KCNAB1: variants seen among roughly 807,000 people sequenced by gnomAD.
KCNAB1 encodes potassium voltage-gated channel subfamily A regulatory beta subunit 1.
Under a neutral mutation model 64.6 loss-of-function variants are expected in KCNAB1, and 35 were observed. The observed-to-expected ratio is 0.54, with a 90% CI of 0.41 to 0.72. The LOEUF (loss-of-function observed/expected upper bound fraction) is 0.72. Ranked by LOEUF, KCNAB1 falls within the 30% of genes least tolerant of loss-of-function variation. The pLI, the probability that KCNAB1 is intolerant of heterozygous loss-of-function variation, is 0.00. For synonymous variants in KCNAB1, 177 were observed against 183.8 expected (o/e 0.96, Z 0.30); for missense variants, 401 against 512.9 (o/e 0.78, Z 2.11).
rs554669903 is a variant in KCNAB1 at position 156,143,048 on chromosome 3, C to A, written c.275+22162C>A. 2.2e-6 allele frequency: 3 copies of A among 1,387,448 alleles called. No individual in the cohort carries two copies. The East Asian group carries it at 7.9e-5, about 36-fold the overall frequency. 85.9% of individuals were successfully genotyped at this position (1,387,448 alleles called of 1,614,324 possible). ...CGCCTACAAAAATGATAAGAGAGAT[C>A]TAAAGAAAACAAGCTAAACCTTTTG... On this transcript the variant is annotated intron_variant, in intron 1 of 13. Coordinates refer to ENST00000490337, the MANE Select transcript of KCNAB1 (RefSeq NM_172160.3).
At chr3:156,195,745 C>G (rs375915667) in intron 1 of KCNAB1, among the ~76,000 whole-genome samples, 1 of 152,124 alleles carries the variant, frequency 6.6e-6, no homozygotes, top group South Asian at 2.1e-4. Flanking sequence ...ATTGCCTGTT[C>G]ACTCTGATGA....
At chr3:156,527,623 T>A (rs1718411671) in intron 12 of KCNAB1, among the ~76,000 whole-genome samples, 1 of 152,238 alleles carries the variant, frequency 6.6e-6, no homozygotes, top group Admixed American at 6.5e-5. Flanking sequence ...CTTTACAGGA[T>A]CTGAGTTTAA....
At chr3:156,299,492 A>T (rs1721015320) in intron 1 of KCNAB1, among the ~76,000 whole-genome samples, 1 of 151,586 alleles carries the variant, frequency 6.6e-6, no homozygotes, top group African/African-American at 2.4e-5. Flanking sequence ...GAAGAGATCT[A>T]CAAAACCATA....
At chr3:156,123,373 C>T (rs1204401016) in intron 1 of KCNAB1, among the ~76,000 whole-genome samples, 3 of 152,184 alleles carry the variant, frequency 2.0e-5, no homozygotes, top group Non-Finnish European at 4.4e-5. Context: ...AAATATTTTA[C>T]ATCAGGTTAA....
At chr3:156,338,703 G>A (rs895113546) in intron 1 of KCNAB1, among the ~76,000 whole-genome samples, 7 of 152,166 alleles carry the variant, frequency 4.6e-5, no homozygotes, top group Admixed American at 1.3e-4. Flanking sequence ...GACCCATTGG[G>A]TCTCTATCCC....
intron 1 of KCNAB1, chr3:156,143,146 G>T: frequency 6.4e-7 from 1 of 1,555,876 alleles, no homozygotes; most frequent in East Asian, 2.3e-5. Flanking sequence ...TAAGCACCGT[G>T]CAATTAGCTT....
chr3:156,185,294 A>C (rs1713113995), intron 1 of KCNAB1, among the ~76,000 whole-genome samples: 1 of 152,100 alleles, frequency 6.6e-6, no homozygotes, highest in African/African-American at 2.4e-5. Context: ...TTCTACTAGC[A>C]GGCCCAAGCC....
chr3:156,531,367 G>C, intron 12 of KCNAB1, 42 bp from the exon 13 acceptor site: 1 of 1,400,636 alleles, frequency 7.1e-7, no homozygotes, highest in Non-Finnish European at 1.0e-6. Context: ...ATCAACGATT[G>C]GAAGTGCTTT....
chr3:156,504,752 T>TTG (rs1716711124), intron 8 of KCNAB1, among the ~76,000 whole-genome samples: 1 of 60,372 alleles, frequency 1.7e-5, no homozygotes, highest in South Asian at 5.4e-4. Context: ...GTTTTTTTTG[T>TTG]TTTTTTTTTT....
chr3:156,159,579 G>A (rs1339902239), intron 1 of KCNAB1, among the ~76,000 whole-genome samples: 1 of 152,096 alleles, frequency 6.6e-6, no homozygotes, highest in African/African-American at 2.4e-5. Flanking sequence ...ATTTCATTTT[G>A]CATTTGATTA....
At chr3:156,475,557 G>T (rs1218998396) in intron 8 of KCNAB1, among the ~76,000 whole-genome samples, 1 of 152,200 alleles carries the variant, frequency 6.6e-6, no homozygotes, top group Non-Finnish European at 1.5e-5. Flanking sequence ...TACCTGAGGT[G>T]ATTGAGAATG....
intron 1 of KCNAB1, among the ~76,000 whole-genome samples, chr3:156,182,695 A>ATTTTTTT (rs10624040): frequency 3.9e-4 from 52 of 132,700 alleles, no homozygotes; most frequent in African/African-American, 1.1e-3. Flanking sequence ...AAGTAAGACA[A>ATTTTTTT]TTTTTTTTTT....
intron 1 of KCNAB1, among the ~76,000 whole-genome samples, chr3:156,263,862 G>A (rs191799248): frequency 6.6e-6 from 1 of 152,112 alleles, no homozygotes; most frequent in African/African-American, 2.4e-5. Context: ...TCAATCCACA[G>A]TTGGTTGAAT....
At chr3:156,475,961 G>GAAA (rs1714307786) in intron 8 of KCNAB1, among the ~76,000 whole-genome samples, 1 of 152,026 alleles carries the variant, frequency 6.6e-6, no homozygotes, top group Non-Finnish European at 1.5e-5. Context: ...TTGAATCCGG[G>GAAA]TAAAATTAGG....
At chr3:156,222,606 AC>A (rs1331069186) in intron 1 of KCNAB1, among the ~76,000 whole-genome samples, 1 of 152,224 alleles carries the variant, frequency 6.6e-6, no homozygotes, top group Non-Finnish European at 1.5e-5. Context: ...AGAACATTCT[AC>A]CCAACAACTG....
intron 1 of KCNAB1, among the ~76,000 whole-genome samples, chr3:156,242,328 G>C (rs1179244056): frequency 6.6e-6 from 1 of 151,948 alleles, no homozygotes; most frequent in African/African-American, 2.4e-5. Context: ...GGGGGAACAG[G>C]TGATATTTGG....
Position 156,514,620 on chromosome 3 carries a change from C to T in KCNAB1, c.744+171C>T, listed in dbSNP as rs1484872683. On this transcript the variant is annotated intron_variant, in intron 9 of 13. Coordinates refer to ENST00000490337, the MANE Select transcript of KCNAB1 (RefSeq NM_172160.3). Reference sequence around the variant, plus strand: ...ATGGATATTGGAGCCGGAGCTCATCCGTTCAGAATACAACAGAGAATACAG... The same window carrying T: ...ATGGATATTGGAGCCGGAGCTCATCTGTTCAGAATACAACAGAGAATACAG... Among the ~76,000 whole-genome samples, 4 of 152,130 alleles carry T rather than the reference C, an allele frequency of 2.6e-5. No individual in the cohort carries two copies. The East Asian group carries it at 5.8e-4, about 22-fold the overall frequency.
At position 156,509,852 on chromosome 3, in the gene KCNAB1, A is replaced by G. The variant is rs1051220759; in HGVS notation, c.659-4512A>G. Among the ~76,000 whole-genome samples the G allele has an allele frequency of 3.3e-5, 5 of 152,208 alleles. No homozygotes were observed. The East Asian group carries it at 9.6e-4, about 29-fold the overall frequency. ...AAGGCATCTCCATGTTATGCACTTA[A>G]CAGTATCTAGAAGACAGTTGATTTT... On this transcript the variant is annotated intron_variant, in intron 8 of 13. Transcript: ENST00000490337.
chr3:156,374,316 T>C (rs1711517549), intron 1 of KCNAB1, among the ~76,000 whole-genome samples: 1 of 152,204 alleles, frequency 6.6e-6, no homozygotes, highest in South Asian at 2.1e-4. Flanking sequence ...CCTGAGTGTC[T>C]ATTGTGAGAA....
Sources: gnomAD v4.1 joint callset for allele counts (sites outside exome capture counted in the v4.1 genomes callset) on GRCh38, gnomAD v4.1.1 for gene constraint, MANE v1.5 for transcripts, NCBI Gene and HGNC (gene_info 2026-07-23, HGNC 2026-07-21) for gene names.